COL4A1: variants seen among roughly 807,000 people sequenced by gnomAD.
The protein encoded by COL4A1 is collagen alpha-1(IV) chain.
A neutral mutation model predicts 216.6 loss-of-function variants in COL4A1; 40 were observed. That is an observed-to-expected ratio of 0.18 (90% CI 0.14 to 0.24). The LOEUF is 0.24. Among genes scored for constraint, COL4A1 ranks in the 10% least tolerant of loss-of-function variants. The probability of loss-of-function intolerance (pLI) is 1.00; values close to 1 mark genes in which losing one functional copy is unlikely to be tolerated. For synonymous variants in COL4A1, 839 were observed against 810.7 expected (o/e 1.03, Z -0.59); for missense variants, 1,628 against 2,196.8 (o/e 0.74, Z 5.18).
intron 2 of COL4A1, among the ~76,000 whole-genome samples, chr13:110,221,093 G>A (rs1482346730): frequency 6.6e-6 from 1 of 152,186 alleles, no homozygotes; most frequent in African/African-American, 2.4e-5. Flanking sequence ...CATTATCTGA[G>A]CCCATGATGA....
intron 2 of COL4A1, among the ~76,000 whole-genome samples, chr13:110,240,845 G>A (rs879600502): frequency 1.3e-4 from 19 of 151,966 alleles, no homozygotes; most frequent in South Asian, 2.1e-4. Context: ...AATAAATTAC[G>A]TTAAAAAAGT....
At chr13:110,179,210 G>T in intron 30 of COL4A1, 61 bp downstream of exon 30, 2 of 1,603,160 alleles carry the variant, frequency 1.2e-6, no homozygotes, top group Non-Finnish European at 1.7e-6. Context: ...GGGGCTCTGG[G>T]AATGCAAAAA....
At chr13:110,249,120 G>T (rs621504) in intron 1 of COL4A1, among the ~76,000 whole-genome samples, 108,339 of 151,840 alleles carry the variant, frequency 0.71, 38,944 homozygotes, top group East Asian at 0.96. Context: ...CCCATCATAT[G>T]AAATTCAAGA....
At chr13:110,242,867 C>T (rs897750071) in intron 1 of COL4A1, 133 bp from the exon 2 acceptor site, 1 of 974,708 alleles carries the variant, frequency 1.0e-6, no homozygotes, top group Non-Finnish European at 1.6e-6. Context: ...ACAATCTTAT[C>T]TGCACTGGTT....
At chr13:110,199,590 G>A (rs900440005) in intron 20 of COL4A1, among the ~76,000 whole-genome samples, 2 of 152,226 alleles carry the variant, frequency 1.3e-5, no homozygotes, top group Non-Finnish European at 2.9e-5. Flanking sequence ...CCGGGCACGA[G>A]GCCAACCAGA....
chr13:110,152,586 G>A (rs1019093515), intron 50 of COL4A1, 80 bp from the exon 51 acceptor site: 111 of 1,477,240 alleles, frequency 7.5e-5, no homozygotes, highest in Non-Finnish European at 9.3e-5. Flanking sequence ...CCAGGAAGGC[G>A]CCAGGGTGTT....
intron 20 of COL4A1, among the ~76,000 whole-genome samples, chr13:110,199,499 C>T (rs1879072231): frequency 6.6e-6 from 1 of 152,214 alleles, no homozygotes; most frequent in Non-Finnish European, 1.5e-5. Flanking sequence ...CCCCTGTGGG[C>T]TTCCACAAAA....
At position 110,307,070 on chromosome 13, in the gene COL4A1, G is replaced by C; in HGVS notation, c.-43C>G. On this transcript the variant is annotated 5_prime_UTR_variant, in exon 1 of 52. Coordinates refer to ENST00000375820, the MANE Select transcript of COL4A1 (RefSeq NM_001845.6). The surrounding 1 kb of genome is among the most constrained non-coding windows in gnomAD (Gnocchi z 5.0). ...GGCGAGGGACGGCTGCCCGGCGTGC[G>C]GGGGCCGCGGCGGACAGCTAGCTCT... is the stretch of plus-strand genomic sequence containing the variant. 7.2e-7 allele frequency: 1 copy of C among 1,389,678 alleles called. No homozygotes were observed. Among genetic ancestry groups the C allele is most frequent in the Non-Finnish European group, 9.4e-7 (1 of 1,066,552 alleles). 86.1% of individuals were successfully genotyped at this position (1,389,678 alleles called of 1,614,324 possible).
At chr13:110,161,483 T>C in intron 48 of COL4A1, 114 bp from the exon 49 acceptor site, 1 of 1,234,536 alleles carries the variant, frequency 8.1e-7, no homozygotes. Flanking sequence ...ACATAATCAC[T>C]GAAATGGAAA....
At chr13:110,244,626 G>C (rs558623197) in intron 1 of COL4A1, among the ~76,000 whole-genome samples, 15 of 152,220 alleles carry the variant, frequency 9.9e-5, no homozygotes, top group Non-Finnish European at 1.9e-4. Flanking sequence ...CCCAGGTGAG[G>C]GTCACCTGCT....
intron 1 of COL4A1, among the ~76,000 whole-genome samples, chr13:110,253,731 G>A (rs956909846): frequency 7.3e-5 from 10 of 136,150 alleles, no homozygotes; most frequent in Admixed American, 7.3e-5. Context: ...ATAATTATAC[G>A]TATGTATGTA....
chr13:110,253,184 T>TTATATATACATGTAACTATATGTAC lies in COL4A1; in HGVS notation c.85-10451_85-10450insGTACATATAGTTACATGTATATATA, dbSNP rs1566417527. 2.7e-3 allele frequency among the ~76,000 whole-genome samples: 338 copies of TTATATATACATGTAACTATATGTAC among 124,378 alleles called. 65 individuals are homozygous for TTATATATACATGTAACTATATGTAC. The highest frequency in any genetic ancestry group is 0.01 in the African/African-American group (328 of 31,690). The allele number at this position is 124,378 out of a possible 152,430, so 81.6% of individuals were successfully genotyped here. The stretch of plus-strand genomic sequence containing the variant: ...ATATACATATAACTATATGTACGTA[T>TTATATATACATGTAACTATATGTAC]GTATTATATATACATATAACTATAT... On this transcript the variant is annotated intron_variant, in intron 1 of 51. Transcript: ENST00000375820.
rs778439115 is a variant in COL4A1 at position 110,163,446 on chromosome 13, G to A, written c.4249+17C>T. The stretch of plus-strand genomic sequence containing the variant: ...ATCCTGGTCAAGGGTAATTACGTTG[G>A]AAGTTTCGCAACCTACCAGTAGGCC... On this transcript the variant is annotated intron_variant, in intron 47 of 51. Transcript: ENST00000375820. The A allele has an allele frequency of 1.2e-6, 2 of 1,612,800 alleles. No homozygotes were observed. Among genetic ancestry groups the A allele is most frequent in the African/African-American group, 2.7e-5 (2 of 74,884 alleles).
chr13:110,242,039 G>C (rs557613887), intron 2 of COL4A1, among the ~76,000 whole-genome samples: 1 of 152,232 alleles, frequency 6.6e-6, no homozygotes, highest in East Asian at 1.9e-4. Context: ...ATGCTGCACT[G>C]TTTTCTGGAT....
intron 2 of COL4A1, among the ~76,000 whole-genome samples, chr13:110,216,723 T>A (rs978195399): frequency 1.3e-5 from 2 of 152,170 alleles, no homozygotes; most frequent in Non-Finnish European, 2.9e-5. Flanking sequence ...TCCCTGTTTT[T>A]TCTGGGTCAC....
At chr13:110,270,503 T>C (rs912642827) in intron 1 of COL4A1, among the ~76,000 whole-genome samples, 11 of 152,218 alleles carry the variant, frequency 7.2e-5, no homozygotes, top group African/African-American at 9.6e-5. Context: ...TAGGCTTGTA[T>C]TGTATTATCT....
At position 110,301,049 on chromosome 13, in the gene COL4A1, A is replaced by G. The variant is rs1026763553; in HGVS notation, c.84+5895T>C. 3.3e-5 allele frequency among the ~76,000 whole-genome samples: 5 copies of G among 152,342 alleles called. 1 individual carries two copies. Among genetic ancestry groups the G allele is most frequent in the Admixed American group, 2.6e-4 (4 of 15,310 alleles). The stretch of plus-strand genomic sequence containing the variant: ...AAATTACTAAACCACGGAATAAACT[A>G]TTTACATAAAGTGTTCAGCAGTGTA... On this transcript the variant is annotated intron_variant, in intron 1 of 51. Coordinates refer to ENST00000375820, the MANE Select transcript of COL4A1 (RefSeq NM_001845.6).
chr13:110,275,633 G>A (rs547695), intron 1 of COL4A1, among the ~76,000 whole-genome samples: 102,451 of 152,044 alleles, frequency 0.67, 34,714 homozygotes, highest in Non-Finnish European at 0.7. Context: ...AACTGCCAAC[G>A]CTCGGGGGCA....
In COL4A1 at chr13:110,191,551, A is replaced by G. The variant is rs551587976; in HGVS notation, c.1536+663T>C. Reference sequence around the variant, plus strand: ...GCTCTTCTATTTAGTGGATTCTTTTAAAACAAACTACAAAAGCTAAGAAGC... The same window carrying G: ...GCTCTTCTATTTAGTGGATTCTTTTGAAACAAACTACAAAAGCTAAGAAGC... On this transcript the variant is annotated intron_variant, in intron 24 of 51. Transcript: ENST00000375820. 1.8e-5 allele frequency: 11 copies of G among 605,526 alleles called. No homozygotes were observed. In the African/African-American group the frequency reaches 1.9e-4, roughly 10 times the overall value. 37.5% of individuals were successfully genotyped at this position (605,526 alleles called of 1,614,324 possible). A position where few individuals can be genotyped will look rare whatever the true frequency, so the allele number is the denominator to read the frequency against.
Sources: allele counts gnomAD v4.1 joint callset (sites outside exome capture counted in the v4.1 genomes callset), GRCh38; gene constraint gnomAD v4.1.1; non-coding constraint Gnocchi (gnomAD v3.1); transcripts MANE v1.5; gene names NCBI Gene and HGNC (gene_info 2026-07-23, HGNC 2026-07-21).